VPS54: variants seen among roughly 807,000 people sequenced by gnomAD.
VPS54 encodes the protein vacuolar protein sorting-associated protein 54.
A neutral mutation model predicts 121.5 loss-of-function variants in VPS54; 45 were observed. That is an observed-to-expected ratio of 0.37 (90% CI 0.29 to 0.47). The LOEUF (loss-of-function observed/expected upper bound fraction) is 0.47. Among genes scored for constraint, VPS54 ranks in the 20% least tolerant of loss-of-function variants. The pLI, the probability that VPS54 is intolerant of heterozygous loss-of-function variation, is 0.99. For synonymous variants in VPS54, 371 were observed against 385.8 expected, an observed-to-expected ratio of 0.96 and a Z score of 0.45; for missense variants, 1,090 against 1,131.4, an observed-to-expected ratio of 0.96 and a Z score of 0.52.
At chr2:64,004,773 A>G (rs1678046941) in intron 1 of VPS54, among the ~76,000 whole-genome samples, 1 of 152,160 alleles carries the variant, frequency 6.6e-6, no homozygotes, top group Non-Finnish European at 1.5e-5. Context: ...TGTTTAAATT[A>G]TAACATAGTA....
At chr2:63,934,886 G>T (rs1201404070) in intron 11 of VPS54, among the ~76,000 whole-genome samples, 1 of 152,108 alleles carries the variant, frequency 6.6e-6, no homozygotes, top group East Asian at 1.9e-4. Flanking sequence ...GGACAATTAA[G>T]AAATAAAGGA....
At chr2:63,937,792 T>C (rs985512666) in intron 11 of VPS54, among the ~76,000 whole-genome samples, 1 of 152,178 alleles carries the variant, frequency 6.6e-6, no homozygotes, top group Non-Finnish European at 1.5e-5. Context: ...GATACACATA[T>C]AATGGAATAT....
intron 3 of VPS54, among the ~76,000 whole-genome samples, chr2:63,978,519 G>C (rs567404616): frequency 4.6e-4 from 70 of 152,344 alleles, no homozygotes; most frequent in African/African-American, 1.5e-3. Context: ...ATGTTTGGTA[G>C]AATTCACCAG....
intron 9 of VPS54, among the ~76,000 whole-genome samples, chr2:63,945,984 C>A (rs1259038829): frequency 6.6e-6 from 1 of 152,056 alleles, no homozygotes; most frequent in Non-Finnish European, 1.5e-5. Flanking sequence ...TCTGTGTAAT[C>A]AGAACTCAGC....
intron 2 of VPS54, among the ~76,000 whole-genome samples, chr2:63,982,814 T>C (rs1175311876): frequency 6.6e-6 from 1 of 152,088 alleles, no homozygotes; most frequent in Non-Finnish European, 1.5e-5. Flanking sequence ...AGAACATTAG[T>C]TTATAGTATG....
At chr2:63,894,906 A>C (rs1312575943) in intron 22 of VPS54, among the ~76,000 whole-genome samples, 1 of 152,224 alleles carries the variant, frequency 6.6e-6, no homozygotes, top group Non-Finnish European at 1.5e-5. Context: ...AAAAGAATGT[A>C]GACTAAATTC....
At chr2:63,929,404 C>G (rs147508223) in intron 12 of VPS54, among the ~76,000 whole-genome samples, 4,136 of 152,226 alleles carry the variant, frequency 0.027, 183 homozygotes, top group African/African-American at 0.095. Flanking sequence ...ACAACCTGCT[C>G]CTGAATGACT....
chr2:63,952,524 C>A lies in VPS54; in HGVS notation c.1011-3361G>T, dbSNP rs1274688627. 2.6e-5 allele frequency among the ~76,000 whole-genome samples: 4 copies of A among 152,212 alleles called. No homozygotes were observed. In the East Asian group the frequency reaches 5.8e-4, roughly 22 times the overall value. On this transcript the variant is annotated intron_variant, in intron 7 of 22. Coordinates refer to ENST00000272322, the MANE Select transcript of VPS54 (RefSeq NM_016516.3). Reference sequence around the variant, plus strand: ...TTACTAAGAAAGATGAGATATAACACAATTTTTAAAAAATTAGTTAAAACC... The same window carrying A: ...TTACTAAGAAAGATGAGATATAACAAAATTTTTAAAAAATTAGTTAAAACC...
At chr2:63,960,622 T>G (rs1353865068) in intron 7 of VPS54, among the ~76,000 whole-genome samples, 1 of 152,202 alleles carries the variant, frequency 6.6e-6, no homozygotes, top group Non-Finnish European at 1.5e-5. Context: ...TGGCTCCCAA[T>G]ATTCATCAAC....
chr2:64,003,418 C>T (rs1677976736), intron 1 of VPS54, among the ~76,000 whole-genome samples: 1 of 152,166 alleles, frequency 6.6e-6, no homozygotes, highest in African/African-American at 2.4e-5. Context: ...TGGTTTCTCA[C>T]ACTTAGTCAC....
intron 5 of VPS54, among the ~76,000 whole-genome samples, chr2:63,967,794 T>A (rs1676077396): frequency 7.1e-6 from 1 of 140,894 alleles, no homozygotes; most frequent in Non-Finnish European, 1.5e-5. Context: ...GAGGGAAGAG[T>A]CCCAGATAAA....
intron 5 of VPS54, 110 bp from the exon 6 acceptor site, chr2:63,966,076 T>C: frequency 3.0e-5 from 33 of 1,109,162 alleles, no homozygotes; most frequent in Non-Finnish European, 4.1e-5. Flanking sequence ...TGAGTATGAA[T>C]AGCAAAAGCA....
chr2:63,981,707 G>T lies in VPS54; in HGVS notation c.317C>A (p.Ser106Ter). ...CTTGCTGATCTGTGGGAGGTAGAAT[G>T]AAGGTATGACTTCAGTGTCCACAAA... is the stretch of plus-strand genomic sequence containing the variant. The part of the protein sequence containing the change: ...LDFVDTEVIP[S>*]FYLPQISKEH... Residue 106 changes from serine (S) to a stop codon, truncating the protein, a stop_gained, in exon 3 of 23, where the codon TCA becomes TAA. Transcript: ENST00000272322. LOFTEE classifies it high-confidence loss of function. 1 of 1,613,474 alleles carries T rather than the reference G, an allele frequency of 6.2e-7. No individual in the cohort carries two copies. Among genetic ancestry groups the T allele is most frequent in the South Asian group, 1.1e-5 (1 of 91,016 alleles).
At chr2:63,952,108 A>C (rs985842815) in intron 7 of VPS54, among the ~76,000 whole-genome samples, 7 of 152,210 alleles carry the variant, frequency 4.6e-5, no homozygotes, top group Non-Finnish European at 1.0e-4. Flanking sequence ...AGATGGACTC[A>C]ATTCAATCTT....
intron 10 of VPS54, 152 bp from the exon 11 acceptor site, chr2:63,942,713 C>A: frequency 1.6e-6 from 1 of 633,648 alleles, no homozygotes; most frequent in Non-Finnish European, 2.7e-6. Flanking sequence ...AGGTAAATTA[C>A]CAAAGAGTTA....
At chr2:63,990,566 T>G (rs1677270935) in intron 1 of VPS54, among the ~76,000 whole-genome samples, 1 of 152,154 alleles carries the variant, frequency 6.6e-6, no homozygotes, top group South Asian at 2.1e-4. Context: ...CCAGGATACC[T>G]CTGCTCCTTC....
chr2:63,898,327 A>G (rs555347568), intron 21 of VPS54, among the ~76,000 whole-genome samples: 24 of 152,294 alleles, frequency 1.6e-4, no homozygotes, highest in Admixed American at 1.6e-3. Context: ...TACATGTGGA[A>G]TGGAAAGGAT....
Position 63,975,189 on chromosome 2 carries a change from T to C in VPS54, c.379-2945A>G, listed in dbSNP as rs1228109581. On this transcript the variant is annotated intron_variant, in intron 3 of 22. Coordinates refer to ENST00000272322, the MANE Select transcript of VPS54 (RefSeq NM_016516.3). ...GCCTCCCAAGTAGCTGAAATCCCCA[T>C]TGCAAAATTATAACTGAGACAGTGA... 8.4e-6 allele frequency: 5 copies of C among 597,598 alleles called. No individual in the cohort carries two copies. In the East Asian group the frequency reaches 1.1e-4, roughly 13 times the overall value. The allele number at this position is 597,598 out of a possible 1,614,324, so 37.0% of individuals were successfully genotyped here.
At chr2:63,949,500 G>A (rs1009832179) in intron 7 of VPS54, among the ~76,000 whole-genome samples, 2 of 152,130 alleles carry the variant, frequency 1.3e-5, no homozygotes, top group East Asian at 1.9e-4. Flanking sequence ...CATAAAGTCA[G>A]TGAACACATT....
Sources: allele counts gnomAD v4.1 joint callset (sites outside exome capture counted in the v4.1 genomes callset), GRCh38; gene constraint gnomAD v4.1.1; transcripts MANE v1.5; gene names NCBI Gene and HGNC (gene_info 2026-07-23, HGNC 2026-07-21).